Variants in TBC1D12 observed in about 807,000 individuals in gnomAD.
The protein encoded by TBC1D12 is TBC1 domain family, member 12.
In TBC1D12, 56 loss-of-function variants were observed where a neutral mutation model predicts 86.7. The observed-to-expected ratio is 0.65, with a 90% CI of 0.52 to 0.81. The LOEUF (loss-of-function observed/expected upper bound fraction) is 0.81, where lower values mean the gene tolerates loss of function less well. Among genes scored for constraint, TBC1D12 ranks in the 30% least tolerant of loss-of-function variants. The pLI, the probability that TBC1D12 is intolerant of heterozygous loss-of-function variation, is 0.00. For synonymous variants in TBC1D12, 421 were observed against 411.7 expected (o/e 1.02, Z -0.27); for missense variants, 1,023 against 1,038.8 (o/e 0.98, Z 0.21).
At chr10:94,505,903 T>TA (rs2056454143) in intron 6 of TBC1D12, among the ~76,000 whole-genome samples, 1 of 152,164 alleles carries the variant, frequency 6.6e-6, no homozygotes, top group Admixed American at 6.6e-5. Flanking sequence ...TTAATTTTTT[T>TA]AAAAAGGATT....
intron 6 of TBC1D12, among the ~76,000 whole-genome samples, chr10:94,507,002 C>T (rs2056468202): frequency 1.3e-5 from 2 of 152,152 alleles, no homozygotes; most frequent in African/African-American, 4.8e-5. Flanking sequence ...TGCTGTTCCA[C>T]AATGATACTT....
At chr10:94,510,275 G>A (rs2056510820) in intron 8 of TBC1D12, 96 bp downstream of exon 8, 5 of 786,962 alleles carry the variant, frequency 6.4e-6, no homozygotes, top group East Asian at 3.0e-5. Flanking sequence ...CTTTAAAAAA[G>A]GCAAAACTAT....
At chr10:94,525,114 A>T (rs1439639081) in intron 11 of TBC1D12, among the ~76,000 whole-genome samples, 1 of 152,206 alleles carries the variant, frequency 6.6e-6, no homozygotes, top group East Asian at 1.9e-4. Context: ...TATAAAGTTA[A>T]CTACAACATG....
intron 1 of TBC1D12, among the ~76,000 whole-genome samples, chr10:94,409,620 C>T (rs1488861331): frequency 6.6e-6 from 1 of 151,982 alleles, no homozygotes; most frequent in African/African-American, 2.4e-5. Context: ...AAGTGATCTG[C>T]CCGCTTTGGC....
Position 94,521,935 on chromosome 10 carries a change from A to T in TBC1D12, c.1762-20A>T, listed in dbSNP as rs752464574. ...TTATTATTGTAAGTCCATTTTGACT[A>T]AATTTTTCTCCCTTTGAAGGTCCAA... On this transcript the variant is annotated intron_variant, in intron 9 of 12. Transcript: ENST00000225235. The T allele has an allele frequency of 6.4e-7, 1 of 1,554,272 alleles. No homozygotes were observed. The highest frequency in any genetic ancestry group is 1.2e-5 in the South Asian group (1 of 81,722).
intron 1 of TBC1D12, among the ~76,000 whole-genome samples, chr10:94,404,837 C>T (rs1346328674): frequency 6.6e-6 from 1 of 150,408 alleles, no homozygotes; most frequent in African/African-American, 2.4e-5. Flanking sequence ...CACCTGAGGT[C>T]AGAGTTCGAG....
chr10:94,500,176 G>A (rs2056376105), intron 5 of TBC1D12, 45 bp from the exon 6 acceptor site: 1 of 1,554,500 alleles, frequency 6.4e-7, no homozygotes. Context: ...AGTATTTTTG[G>A]TATAAAAAGT....
intron 2 of TBC1D12, among the ~76,000 whole-genome samples, chr10:94,468,830 A>T (rs2055860935): frequency 1.3e-5 from 2 of 152,136 alleles, no homozygotes; most frequent in Admixed American, 1.3e-4. Flanking sequence ...AGCTCTGCTT[A>T]TATTTCTTCA....
In TBC1D12 at chr10:94,500,266, C is replaced by A; in HGVS notation, c.1458C>A (p.Pro486=). ...GAGAATTGTGGTGGCAGGGATTGCCCCCTAGTGTCCGTGGGAAAGTTTGGA... is the reference window on the plus strand; with the variant it reads ...GAGAATTGTGGTGGCAGGGATTGCCACCTAGTGTCCGTGGGAAAGTTTGGA... The part of the protein sequence containing the change: ...RVRELWWQGL[P]PSVRGKVWSL... The change falls in exon 6 of 13, where the codon CCC becomes CCA. Residue 486 remains proline, a synonymous_variant. Coordinates refer to ENST00000225235, the MANE Select transcript of TBC1D12 (RefSeq NM_015188.2). 6.2e-7 allele frequency: 1 copy of A among 1,613,856 alleles called. No homozygotes were observed. Among genetic ancestry groups the A allele is most frequent in the Non-Finnish European group, 8.5e-7 (1 of 1,179,932 alleles).
chr10:94,427,691 G>T (rs2055165071), intron 1 of TBC1D12, among the ~76,000 whole-genome samples: 1 of 151,898 alleles, frequency 6.6e-6, no homozygotes, highest in Non-Finnish European at 1.5e-5. Context: ...AATTAGCCGG[G>T]TGTGGTGGTG....
chr10:94,447,939 ACCTTTTTTTG>A (rs2055494451), intron 2 of TBC1D12, among the ~76,000 whole-genome samples: 1 of 151,032 alleles, frequency 6.6e-6, no homozygotes, highest in Non-Finnish European at 1.5e-5. Flanking sequence ...AGTGAAACTT[ACCTTTTTTTG>A]CTAGGCACTG....
intron 6 of TBC1D12, among the ~76,000 whole-genome samples, chr10:94,502,158 C>T (rs1389853006): frequency 6.6e-6 from 1 of 151,764 alleles, no homozygotes; most frequent in South Asian, 2.1e-4. Flanking sequence ...CATGGAGAAA[C>T]CCCGTCTCTA....
intron 12 of TBC1D12, among the ~76,000 whole-genome samples, chr10:94,532,258 A>G (rs1842453464): frequency 6.6e-6 from 1 of 152,028 alleles, no homozygotes. Flanking sequence ...GCTCACTACA[A>G]CCACCGTCTC....
In TBC1D12 at chr10:94,522,048, TGCCAGTTG is replaced by T. The variant is rs1419179107; in HGVS notation, c.1859_1866del (p.Gln620LeufsTer17). On this transcript the variant is annotated frameshift_variant, in exon 10 of 13. Coordinates refer to ENST00000225235, the MANE Select transcript of TBC1D12 (RefSeq NM_015188.2). LOFTEE classifies it high-confidence loss of function. ...ATTTGCCAATCTCCTGAATAAGCCATGCCAGTTGGCCTTTTTTCGTGTGGATCACAGCA... is the reference window on the plus strand; with the variant it reads ...ATTTGCCAATCTCCTGAATAAGCCATGCCTTTTTTCGTGTGGATCACAGCA... 1 of 1,612,846 alleles carries T rather than the reference TGCCAGTTG, an allele frequency of 6.2e-7. No individual in the cohort carries two copies. The highest frequency in any genetic ancestry group is 8.5e-7 in the Non-Finnish European group (1 of 1,179,216).
intron 2 of TBC1D12, among the ~76,000 whole-genome samples, chr10:94,447,278 A>C (rs1247003291): frequency 1.3e-5 from 2 of 151,764 alleles, no homozygotes; most frequent in East Asian, 3.9e-4. Context: ...GTTTTTTTCT[A>C]TTTCAAGAAT....
At chr10:94,449,856 C>G (rs1162327163) in intron 2 of TBC1D12, among the ~76,000 whole-genome samples, 1 of 152,158 alleles carries the variant, frequency 6.6e-6, no homozygotes, top group Non-Finnish European at 1.5e-5. Flanking sequence ...GGCAGCTATT[C>G]AAAGATTCTT....
intron 1 of TBC1D12, among the ~76,000 whole-genome samples, chr10:94,409,014 A>G (rs1589597207): frequency 6.6e-6 from 1 of 152,232 alleles, no homozygotes; most frequent in South Asian, 2.1e-4. Context: ...AATAAACACA[A>G]AAGTCTATTA....
chr10:94,429,526 A>T (rs2055188291), intron 1 of TBC1D12, among the ~76,000 whole-genome samples: 1 of 152,142 alleles, frequency 6.6e-6, no homozygotes, highest in African/African-American at 2.4e-5. Flanking sequence ...CAAAGTACTG[A>T]GTTTAGAGAC....
chr10:94,486,124 TTTCTTC>T (rs1168821054), intron 3 of TBC1D12, among the ~76,000 whole-genome samples: 1 of 139,506 alleles, frequency 7.2e-6, no homozygotes, highest in Non-Finnish European at 1.5e-5. Flanking sequence ...CTTTTTCTTT[TTTCTTC>T]TTCTTCTTCT....
Sources: allele counts gnomAD v4.1 joint callset (sites outside exome capture counted in the v4.1 genomes callset), GRCh38; gene constraint gnomAD v4.1.1; transcripts MANE v1.5; gene names NCBI Gene and HGNC (gene_info 2026-07-23, HGNC 2026-07-21).